HEMK2: variants seen among roughly 807,000 people sequenced by gnomAD.
The protein encoded by HEMK2 is methyltransferase HEMK2.
the HEMK2 span, among the ~76,000 whole-genome samples, chr21:28,756,125 T>G: frequency 1.3e-5 from 2 of 152,196 alleles, no homozygotes; most frequent in Non-Finnish European, 2.9e-5. Context: ...TCATTACCAG[T>G]GGCCACAGAT....
At chr21:28,623,154 A>G in the HEMK2 span, among the ~76,000 whole-genome samples, 1 of 152,126 alleles carries the variant, frequency 6.6e-6, no homozygotes, top group Admixed American at 6.6e-5. Context: ...GAAAAAAACA[A>G]CCCCATCAAA....
chr21:28,794,163 T>C, the HEMK2 span, among the ~76,000 whole-genome samples: 1 of 152,170 alleles, frequency 6.6e-6, no homozygotes, highest in Non-Finnish European at 1.5e-5. Flanking sequence ...ATAATATACA[T>C]ATAAATTCAT....
the HEMK2 span, among the ~76,000 whole-genome samples, chr21:28,740,681 C>T: frequency 2.3e-3 from 350 of 152,296 alleles, 2 homozygotes; most frequent in African/African-American, 7.8e-3. Context: ...GCTATCTTTA[C>T]CTGACCCAGA....
At chr21:28,637,186 A>G in the HEMK2 span, among the ~76,000 whole-genome samples, 4 of 152,262 alleles carry the variant, frequency 2.6e-5, no homozygotes, top group African/African-American at 9.6e-5. Flanking sequence ...CCTTGCCACA[A>G]TTTTGTGGGC....
the HEMK2 span, among the ~76,000 whole-genome samples, chr21:28,682,337 C>G: frequency 6.6e-6 from 1 of 151,900 alleles, no homozygotes; most frequent in Non-Finnish European, 1.5e-5. Context: ...AAATGCAAAT[C>G]AAAACCACAA....
chr21:28,756,377 T>C, the HEMK2 span, among the ~76,000 whole-genome samples: 8 of 152,166 alleles, frequency 5.3e-5, no homozygotes, highest in East Asian at 1.5e-3. Context: ...CCTCTAGCCA[T>C]TTACTGTCAC....
chr21:28,613,778 TAAAAGAAAAA>T, the HEMK2 span, among the ~76,000 whole-genome samples: 2 of 151,944 alleles, frequency 1.3e-5, no homozygotes, highest in African/African-American at 2.4e-5. Flanking sequence ...TTAAGTGTTT[TAAAAGAAAAA>T]AAAAGAAATG....
the HEMK2 span, chr21:28,885,268 C>T: frequency 1.3e-6 from 2 of 1,595,530 alleles, no homozygotes; most frequent in South Asian, 1.1e-5. Context: ...ACGTGTCCTC[C>T]GCGGGCTCGT....
the HEMK2 span, among the ~76,000 whole-genome samples, chr21:28,817,196 T>C: frequency 2.1e-4 from 32 of 152,248 alleles, no homozygotes; most frequent in African/African-American, 7.7e-4. Context: ...CAAGAAAAAT[T>C]CACATTGAAC....
chr21:28,682,475 A>G, the HEMK2 span, among the ~76,000 whole-genome samples: 1 of 151,460 alleles, frequency 6.6e-6, no homozygotes, highest in Admixed American at 6.6e-5. Flanking sequence ...TAGTTCAACC[A>G]TTGTGGAAGT....
the HEMK2 span, among the ~76,000 whole-genome samples, chr21:28,812,126 G>A: frequency 1.3e-5 from 2 of 152,164 alleles, no homozygotes; most frequent in African/African-American, 4.8e-5. Context: ...TAGCTAGCAA[G>A]TATTTGTGGT....
chr21:28,880,070 C>T, the HEMK2 span: 162 of 562,568 alleles, frequency 2.9e-4, no homozygotes, highest in Middle Eastern at 1.6e-3. Flanking sequence ...TTACGGGCTA[C>T]GCTTGTAGAC....
chr21:28,864,403 T>C, the HEMK2 span, among the ~76,000 whole-genome samples: 273 of 139,784 alleles, frequency 2.0e-3, 5 homozygotes, highest in African/African-American at 6.6e-3. Context: ...CCTATGGGTC[T>C]TACATTAGCA....
the HEMK2 span, among the ~76,000 whole-genome samples, chr21:28,730,012 T>C: frequency 2.0e-5 from 3 of 152,142 alleles, no homozygotes; most frequent in Admixed American, 6.5e-5. Context: ...AACACGAGAT[T>C]AGCCAGACCT....
chr21:28,584,982 C>T, the HEMK2 span, among the ~76,000 whole-genome samples: 1 of 152,128 alleles, frequency 6.6e-6, no homozygotes, highest in East Asian at 1.9e-4. Flanking sequence ...GAAACAAAGA[C>T]AATTCCTTTC....
chr21:28,612,262 C>T, the HEMK2 span, among the ~76,000 whole-genome samples: 1 of 151,302 alleles, frequency 6.6e-6, no homozygotes, highest in East Asian at 1.9e-4. Context: ...AGCAGGAATG[C>T]AGGAATAGTT....
At chr21:28,880,719 G>A in the HEMK2 span, among the ~76,000 whole-genome samples, 4 of 151,272 alleles carry the variant, frequency 2.6e-5, no homozygotes, top group Non-Finnish European at 5.9e-5. Context: ...CTCCAGCCTG[G>A]GCGACAGAGT....
chr21:28,583,525 GC>G, the HEMK2 span, among the ~76,000 whole-genome samples: 1 of 152,176 alleles, frequency 6.6e-6, no homozygotes, highest in Admixed American at 6.5e-5. Flanking sequence ...TTGAAATAGG[GC>G]TACGTCATCA....
At chr21:28,864,923 T>C in the HEMK2 span, among the ~76,000 whole-genome samples, 9 of 123,854 alleles carry the variant, frequency 7.3e-5, no homozygotes, top group East Asian at 1.1e-3. Context: ...TATAGATAGA[T>C]AGACAGACAG....
Sources: allele counts gnomAD v4.1 joint callset (sites outside exome capture counted in the v4.1 genomes callset), GRCh38; gene constraint gnomAD v4.1.1; transcripts MANE v1.5; gene names NCBI Gene and HGNC (gene_info 2026-07-23, HGNC 2026-07-21).